GTF2IRD1: variants seen among roughly 807,000 people sequenced by gnomAD.
GTF2IRD1 encodes general transcription factor II-I repeat domain-containing protein 1.
Under a neutral mutation model 113.2 loss-of-function variants are expected in GTF2IRD1, and 26 were observed. The ratio of observed to expected loss-of-function variants is 0.23; its 90% CI spans 0.17 to 0.32. The LOEUF is 0.32. GTF2IRD1 is among the 10% of genes least tolerant of loss of function. The pLI, the probability that GTF2IRD1 is intolerant of heterozygous loss-of-function variation, is 1.00. For missense variants in GTF2IRD1, 864 were observed against 1,280.8 expected (o/e 0.67, Z 4.97); for synonymous variants, 484 against 529.1 (o/e 0.91, Z 1.17).
chr7:74,535,539 G>A (rs1554350018), intron 10 of GTF2IRD1, among the ~76,000 whole-genome samples: 1 of 152,206 alleles, frequency 6.6e-6, no homozygotes, highest in Non-Finnish European at 1.5e-5. Context: ...TGGTGAGCAC[G>A]GGTCCCTGCT....
chr7:74,562,008 G>C (rs1427628656), intron 22 of GTF2IRD1, among the ~76,000 whole-genome samples: 1 of 152,166 alleles, frequency 6.6e-6, no homozygotes, highest in African/African-American at 2.4e-5. Flanking sequence ...CCCAAGCCAG[G>C]TATCCACCAG....
intron 14 of GTF2IRD1, among the ~76,000 whole-genome samples, chr7:74,541,295 A>G (rs1798624049): frequency 6.6e-6 from 1 of 151,938 alleles, no homozygotes; most frequent in African/African-American, 2.4e-5. Flanking sequence ...GTTCGAGACC[A>G]GCCTGGGCAA....
intron 9 of GTF2IRD1, among the ~76,000 whole-genome samples, chr7:74,533,892 G>T (rs1554349547): frequency 6.6e-6 from 1 of 152,058 alleles, no homozygotes; most frequent in East Asian, 1.9e-4. Flanking sequence ...AGCTGGCATT[G>T]GTGGCGCATG....
intron 22 of GTF2IRD1, among the ~76,000 whole-genome samples, chr7:74,560,477 A>T (rs1554358690): frequency 1.4e-5 from 2 of 147,054 alleles, no homozygotes; most frequent in African/African-American, 4.9e-5. Flanking sequence ...TATACATAAT[A>T]AAAAATATAT....
At chr7:74,510,949 C>T (rs1031987286) in intron 2 of GTF2IRD1, among the ~76,000 whole-genome samples, 2 of 151,456 alleles carry the variant, frequency 1.3e-5, no homozygotes, top group African/African-American at 2.4e-5. Context: ...TTCGGGAGGC[C>T]GAGGCAGGAG....
intron 22 of GTF2IRD1, among the ~76,000 whole-genome samples, chr7:74,588,964 C>T (rs1801891528): frequency 6.6e-6 from 1 of 152,092 alleles, no homozygotes; most frequent in Non-Finnish European, 1.5e-5. Context: ...CAGATGACAC[C>T]CCCTCTGGCT....
chr7:74,571,018 T>C, intron 22 of GTF2IRD1: 7 of 829,972 alleles, frequency 8.4e-6, no homozygotes, highest in Non-Finnish European at 1.0e-5. Flanking sequence ...CCAGGCCAGC[T>C]TCCGCTCCTT....
chr7:74,553,691 G>A (rs1226069331), intron 17 of GTF2IRD1, among the ~76,000 whole-genome samples: 1 of 152,168 alleles, frequency 6.6e-6, no homozygotes, highest in African/African-American at 2.4e-5. Context: ...TGGGTTTGAG[G>A]CCAGCTCCTC....
At chr7:74,547,020 C>T in intron 16 of GTF2IRD1, 83 bp from the exon 17 acceptor site, 2 of 1,296,982 alleles carry the variant, frequency 1.5e-6, no homozygotes, top group Middle Eastern at 2.7e-4. Context: ...CAGCTTTGCC[C>T]CCCGACACAG....
intron 22 of GTF2IRD1, among the ~76,000 whole-genome samples, chr7:74,588,226 A>G (rs1801842427): frequency 6.7e-6 from 1 of 148,602 alleles, no homozygotes; most frequent in African/African-American, 2.5e-5. Flanking sequence ...TCCTGTCTCA[A>G]TCTCTTGAGT....
At chr7:74,574,455 A>ATTTT (rs369245593) in intron 22 of GTF2IRD1, among the ~76,000 whole-genome samples, 2 of 128,220 alleles carry the variant, frequency 1.6e-5, no homozygotes, top group East Asian at 2.3e-4. Flanking sequence ...AGATACTGGA[A>ATTTT]TTTTTTTTTT....
chr7:74,567,310 C>T (rs587773702), intron 22 of GTF2IRD1, among the ~76,000 whole-genome samples: 1 of 151,436 alleles, frequency 6.6e-6, no homozygotes, highest in African/African-American at 2.4e-5. Context: ...CCCGGCGACA[C>T]AGCGAGACCC....
intron 22 of GTF2IRD1, among the ~76,000 whole-genome samples, chr7:74,588,944 C>T (rs1358576729): frequency 1.3e-5 from 2 of 152,148 alleles, no homozygotes; most frequent in Admixed American, 6.6e-5. Context: ...TCCTGTTGTA[C>T]TTTAGTGACC....
chr7:74,571,424 T>C (rs1800688337), intron 22 of GTF2IRD1, among the ~76,000 whole-genome samples: 1 of 152,124 alleles, frequency 6.6e-6, no homozygotes, highest in African/African-American at 2.4e-5. Context: ...GCTCTTCTGC[T>C]GACGTCCCCA....
intron 25 of GTF2IRD1, among the ~76,000 whole-genome samples, chr7:74,600,289 C>T (rs1193677285): frequency 3.3e-5 from 5 of 151,962 alleles, no homozygotes; most frequent in Non-Finnish European, 7.4e-5. Context: ...CATGGTGGCG[C>T]GCACGTATAG....
intron 3 of GTF2IRD1, among the ~76,000 whole-genome samples, chr7:74,513,551 C>T (rs1796757428): frequency 6.6e-6 from 1 of 152,190 alleles, no homozygotes; most frequent in Non-Finnish European, 1.5e-5. Context: ...GTGACCCGCC[C>T]ACCTCAGCCT....
rs781989750 is a variant in GTF2IRD1 at position 74,529,735 on chromosome 7, G to C, written c.1092G>C (p.Ala364=). The part of the protein sequence containing the change: ...CVQILFNSRY[A]EALGLDHMVP... ...CTTGCTGTTTGGTTGTCTTTCCAGCGGAAGCCCTGGGCCTGGACCACATGG... is the reference window on the plus strand; with the variant it reads ...CTTGCTGTTTGGTTGTCTTTCCAGCCGAAGCCCTGGGCCTGGACCACATGG... The change falls in exon 9 of 27, where the codon GCG becomes GCC. Residue 364 remains alanine, a splice_region_variant and synonymous_variant. Transcript: ENST00000424337. The C allele has an allele frequency of 5.0e-5, 80 of 1,613,698 alleles. No individual in the cohort carries two copies. Among genetic ancestry groups the C allele is most frequent in the Non-Finnish European group, 6.6e-5 (78 of 1,179,866 alleles).
At chr7:74,526,725 G>A (rs1049695028) in intron 8 of GTF2IRD1, among the ~76,000 whole-genome samples, 1 of 151,894 alleles carries the variant, frequency 6.6e-6, no homozygotes, top group Non-Finnish European at 1.5e-5. Flanking sequence ...GAACCAGACG[G>A]AGACAAATTC....
At chr7:74,510,964 G>C (rs1020657963) in intron 2 of GTF2IRD1, among the ~76,000 whole-genome samples, 1 of 151,754 alleles carries the variant, frequency 6.6e-6, no homozygotes, top group Non-Finnish European at 1.5e-5. Context: ...CAGGAGAATC[G>C]CCTGAGCCTG....
Sources: gnomAD v4.1 joint callset for allele counts (sites outside exome capture counted in the v4.1 genomes callset) on GRCh38, gnomAD v4.1.1 for gene constraint, MANE v1.5 for transcripts, NCBI Gene and HGNC (gene_info 2026-07-23, HGNC 2026-07-21) for gene names.